The following SGPP2 variants were observed in gnomAD, a reference collection of about 807,000 sequenced individuals.
SGPP2 encodes the protein sphingosine-1-phosphate phosphatase 2, also known as sphingosine 1-phosphate phosphohydrolase 2.
A neutral mutation model predicts 33.9 loss-of-function variants in SGPP2; 30 were observed. The observed-to-expected ratio is 0.89, with a 90% CI of 0.66 to 1.20. SGPP2 has a LOEUF of 1.20. Among genes scored for constraint, SGPP2 ranks in the 50% most tolerant of loss-of-function variants. The pLI, the probability that SGPP2 is intolerant of heterozygous loss-of-function variation, is 0.00. For missense variants in SGPP2, 458 were observed against 532.1 expected (o/e 0.86, Z 1.37); for synonymous variants, 233 against 225.0 (o/e 1.04, Z -0.32).
chr2:222,478,751 A>G (rs1697987611), intron 2 of SGPP2, among the ~76,000 whole-genome samples: 1 of 151,828 alleles, frequency 6.6e-6, no homozygotes. Flanking sequence ...CTTGTGTTAC[A>G]TTAAGGGTGA....
At chr2:222,456,402 A>G (rs902712362) in intron 1 of SGPP2, among the ~76,000 whole-genome samples, 1 of 152,168 alleles carries the variant, frequency 6.6e-6, no homozygotes, top group Non-Finnish European at 1.5e-5. Context: ...AACTGGTACT[A>G]TTGGGAACTG....
chr2:222,506,163 A>G (rs896999445), intron 2 of SGPP2, among the ~76,000 whole-genome samples: 4 of 152,216 alleles, frequency 2.6e-5, no homozygotes, highest in Admixed American at 6.5e-5. Flanking sequence ...TTATCCACTT[A>G]AAACACTGCA....
At chr2:222,510,709 A>C (rs1386037385) in intron 2 of SGPP2, among the ~76,000 whole-genome samples, 1 of 152,186 alleles carries the variant, frequency 6.6e-6, no homozygotes, top group Non-Finnish European at 1.5e-5. Flanking sequence ...TATTATGATC[A>C]TATGGAGCCT....
At chr2:222,454,367 G>A (rs1697538822) in intron 1 of SGPP2, among the ~76,000 whole-genome samples, 2 of 152,180 alleles carry the variant, frequency 1.3e-5, no homozygotes, top group South Asian at 4.1e-4. Flanking sequence ...CATGCAAGGT[G>A]AAATGTGCTT....
rs1193408856 is a variant in SGPP2 at position 222,559,167 on chromosome 2, C to CG, written c.*269_*270insG. On this transcript the variant is annotated 3_prime_UTR_variant, in exon 5 of 5. Transcript: ENST00000321276. ...CTTTAAAGGCACACACCGCGCCCCC[C>CG]CCCCCCCCGCCCGGCCCCTGCTCCT... 2 of 103,216 alleles carry CG rather than the reference C, an allele frequency of 1.9e-5. No homozygotes were observed. The highest frequency in any genetic ancestry group is 1.1e-4 in the Admixed American group (1 of 8,880). 6.4% of individuals were successfully genotyped at this position (103,216 alleles called of 1,614,324 possible).
At chr2:222,471,142 T>C (rs1195067987) in intron 1 of SGPP2, among the ~76,000 whole-genome samples, 1 of 152,236 alleles carries the variant, frequency 6.6e-6, no homozygotes, top group Non-Finnish European at 1.5e-5. Flanking sequence ...GGGAGACCCC[T>C]TTTTAGATTA....
At chr2:222,490,921 C>A (rs1228944894) in intron 2 of SGPP2, among the ~76,000 whole-genome samples, 1 of 152,072 alleles carries the variant, frequency 6.6e-6, no homozygotes, top group African/African-American at 2.4e-5. Context: ...GAACATAATT[C>A]ATTAGTTATC....
In SGPP2 at chr2:222,424,885, C is replaced by T. The variant is rs1697037153; in HGVS notation, c.219+64C>T. On this transcript the variant is annotated intron_variant, in intron 1 of 4. Coordinates refer to ENST00000321276, the MANE Select transcript of SGPP2 (RefSeq NM_152386.4). ...GCGGCTGCGGACGTGCGGGTCCCTGCGACTCCGCCACGCGGGGCCGGCCGG... is the reference window on the plus strand; with the variant it reads ...GCGGCTGCGGACGTGCGGGTCCCTGTGACTCCGCCACGCGGGGCCGGCCGG... 4 of 1,216,000 alleles carry T rather than the reference C, an allele frequency of 3.3e-6. No homozygotes were observed. The South Asian group carries it at 1.0e-4, about 32-fold the overall frequency. The allele number at this position is 1,216,000 out of a possible 1,614,324, so 75.3% of individuals were successfully genotyped here.
intron 2 of SGPP2, among the ~76,000 whole-genome samples, chr2:222,501,163 G>C (rs559732476): frequency 4.1e-4 from 62 of 152,142 alleles, no homozygotes; most frequent in Non-Finnish European, 7.6e-4. Flanking sequence ...GCTTGAGCAG[G>C]AGTCACTTGA....
intron 4 of SGPP2, among the ~76,000 whole-genome samples, chr2:222,542,165 A>T (rs1699007814): frequency 6.6e-6 from 1 of 152,164 alleles, no homozygotes; most frequent in South Asian, 2.1e-4. Flanking sequence ...ATGTAATCAC[A>T]CAGTATGCTT....
chr2:222,455,709 A>C (rs188075859), intron 1 of SGPP2, among the ~76,000 whole-genome samples: 1 of 152,332 alleles, frequency 6.6e-6, no homozygotes, highest in Non-Finnish European at 1.5e-5. Flanking sequence ...TTGACTAATT[A>C]GGCTTTATTT....
intron 1 of SGPP2, chr2:222,452,536 A>G (rs2106076958): frequency 1.9e-6 from 2 of 1,046,704 alleles, no homozygotes; most frequent in East Asian, 4.7e-5. Context: ...CTGGCAGGAG[A>G]ATTTGGCTGG....
intron 2 of SGPP2, among the ~76,000 whole-genome samples, chr2:222,488,248 T>C (rs1698142623): frequency 1.3e-5 from 2 of 152,194 alleles, no homozygotes; most frequent in African/African-American, 4.8e-5. Flanking sequence ...AGGGGTCCCC[T>C]AACCCTGGGC....
At position 222,465,423 on chromosome 2, in the gene SGPP2, TAAAAA is replaced by T. The variant is rs5741599; in HGVS notation, c.220-9137_220-9133del. Among the ~76,000 whole-genome samples, 1 of 151,166 alleles carries T rather than the reference TAAAAA, an allele frequency of 6.6e-6. No homozygotes were observed. Among genetic ancestry groups the T allele is most frequent in the Non-Finnish European group, 1.5e-5 (1 of 67,798 alleles). ...ATAGGTTGGAAAGTCTTGATTCTCT[TAAAAA>T]AAAAAAAGTGAGTAATTAAAAGTGA... On this transcript the variant is annotated intron_variant, in intron 1 of 4. Coordinates refer to ENST00000321276, the MANE Select transcript of SGPP2 (RefSeq NM_152386.4). This position sits in a 1 kb window ranked among gnomAD's most constrained non-coding sequence, Gnocchi z 4.1.
rs141918380 is a variant in SGPP2, at chr2:222,514,077, GACTT to G, written c.379-7683_379-7680del. On this transcript the variant is annotated intron_variant, in intron 2 of 4. Transcript: ENST00000321276. The stretch of plus-strand genomic sequence containing the variant: ...CTTTCTTAAAATTCATAGATAATAT[GACTT>G]ACTTACACATACAATTTTTTAAATA... 9.5e-3 allele frequency among the ~76,000 whole-genome samples: 1,448 copies of G among 152,174 alleles called. 14 individuals are homozygous for G. The highest frequency in any genetic ancestry group is 0.033 in the African/African-American group (1,377 of 41,538).
intron 4 of SGPP2, among the ~76,000 whole-genome samples, chr2:222,556,521 C>T (rs1689404310): frequency 7.2e-6 from 1 of 138,580 alleles, no homozygotes. Context: ...CACCCTCACT[C>T]CTCCCTCCCT....
chr2:222,450,780 T>C (rs542531031), intron 1 of SGPP2, among the ~76,000 whole-genome samples: 14 of 152,290 alleles, frequency 9.2e-5, no homozygotes, highest in African/African-American at 3.4e-4. Context: ...TACCAAACCT[T>C]TGCCATGTTT....
At chr2:222,558,326 T>C (rs1196060121) in intron 4 of SGPP2, 21 bp from the exon 5 acceptor site, 3 of 1,611,772 alleles carry the variant, frequency 1.9e-6, no homozygotes, top group Non-Finnish European at 1.7e-6. Flanking sequence ...TTCACACTGT[T>C]CTTTTCTCTC....
In SGPP2 at chr2:222,449,988, T is replaced by C. The variant is rs1697459047; in HGVS notation, c.220-24580T>C. On this transcript the variant is annotated intron_variant, in intron 1 of 4. Coordinates refer to ENST00000321276, the MANE Select transcript of SGPP2 (RefSeq NM_152386.4). ...TTTTAAAATGGAAAACCTCTATATT[T>C]ATATTTATGAGCTGAACCATAAGAA... Among the ~76,000 whole-genome samples, 3 of 152,188 alleles carry C rather than the reference T, an allele frequency of 2.0e-5. No homozygotes were observed. In the South Asian group the frequency reaches 6.2e-4, roughly 32 times the overall value.
Sources: gnomAD v4.1 joint callset for allele counts (sites outside exome capture counted in the v4.1 genomes callset) on GRCh38, gnomAD v4.1.1 for gene constraint, Gnocchi (gnomAD v3.1) non-coding constraint, MANE v1.5 for transcripts, NCBI Gene and HGNC (gene_info 2026-07-23, HGNC 2026-07-21) for gene names.